COG5: variants seen among roughly 807,000 people sequenced by gnomAD.
The protein encoded by COG5 is conserved oligomeric Golgi complex subunit 5.
COG5 carries 86 observed loss-of-function variants against 110.4 expected under a neutral mutation model. The ratio of observed to expected loss-of-function variants is 0.78; its 90% CI spans 0.65 to 0.93. The LOEUF (loss-of-function observed/expected upper bound fraction) is 0.93. COG5 is among the 40% of genes least tolerant of loss of function. The pLI, the probability that COG5 is intolerant of heterozygous loss-of-function variation, is 0.00. For synonymous variants in COG5, 360 were observed against 334.6 expected (o/e 1.08, Z -0.83); for missense variants, 1,077 against 987.0 (o/e 1.09, Z -1.22).
chr7:107,449,289 G>A (rs148082655), intron 6 of COG5, among the ~76,000 whole-genome samples: 4 of 152,212 alleles, frequency 2.6e-5, no homozygotes, highest in East Asian at 3.9e-4. Flanking sequence ...ACATGTATAC[G>A]TGCACGTTCT....
At chr7:107,301,254 A>G (rs915830033) in intron 11 of COG5, among the ~76,000 whole-genome samples, 2 of 152,204 alleles carry the variant, frequency 1.3e-5, no homozygotes, top group Non-Finnish European at 2.9e-5. Flanking sequence ...AAATTGATAA[A>G]CTGGACAACA....
intron 5 of COG5, among the ~76,000 whole-genome samples, chr7:107,541,133 A>G (rs1659547698): frequency 6.6e-6 from 1 of 151,806 alleles, no homozygotes; most frequent in South Asian, 2.1e-4. Context: ...CCTGGGCAAC[A>G]GAGCGGGACT....
chr7:107,223,220 G>A (rs958013713), intron 19 of COG5, among the ~76,000 whole-genome samples: 1 of 152,162 alleles, frequency 6.6e-6, no homozygotes, highest in Non-Finnish European at 1.5e-5. Context: ...CCTTTGTGGG[G>A]CAGGGCACAG....
chr7:107,256,835 CTA>C, intron 15 of COG5, 41 bp from the exon 16 acceptor site: 2 of 1,427,374 alleles, frequency 1.4e-6, no homozygotes, highest in Non-Finnish European at 2.0e-6. Flanking sequence ...TCGCTTAAGT[CTA>C]TTTCTGTAAA....
In COG5 at chr7:107,203,447, G is replaced by T; in HGVS notation, c.*69C>A. The T allele has an allele frequency of 1.0e-6, 1 of 968,864 alleles. No individual in the cohort carries two copies. The highest frequency in any genetic ancestry group is 1.3e-5 in the South Asian group (1 of 78,064). 60.0% of individuals were successfully genotyped at this position (968,864 alleles called of 1,614,324 possible). A position where few individuals can be genotyped will look rare whatever the true frequency, so the allele number is the denominator to read the frequency against. ...AATAGTAGATAGTAGCAGTCTTTTG[G>T]AGTATGTGTTTAACTGCCAACTATG... On this transcript the variant is annotated 3_prime_UTR_variant, in exon 22 of 22. Transcript: ENST00000297135.
rs1415696830 is a variant in COG5, at chr7:107,217,481, A to C, written c.2169-6256T>G. Among the ~76,000 whole-genome samples, 7 of 152,254 alleles carry C rather than the reference A, an allele frequency of 4.6e-5. No individual in the cohort carries two copies. In the East Asian group the frequency reaches 1.4e-3, roughly 29 times the overall value. The stretch of plus-strand genomic sequence containing the variant: ...ATGAACATAGATATGAAGATACAAA[A>C]TCCTCAACAAACTACTAACAAATCC... On this transcript the variant is annotated intron_variant, in intron 19 of 21. Coordinates refer to ENST00000297135, the MANE Select transcript of COG5 (RefSeq NM_006348.5).
intron 6 of COG5, among the ~76,000 whole-genome samples, chr7:107,434,119 C>T (rs979378751): frequency 6.6e-6 from 1 of 152,116 alleles, no homozygotes; most frequent in Non-Finnish European, 1.5e-5. Flanking sequence ...TATCACCTCA[C>T]ACCAGTTAGA....
intron 8 of COG5, among the ~76,000 whole-genome samples, chr7:107,366,220 A>G (rs1813598490): frequency 6.6e-6 from 1 of 152,148 alleles, no homozygotes; most frequent in Non-Finnish European, 1.5e-5. Flanking sequence ...ACATAGTAAC[A>G]CATGTGAAAT....
At chr7:107,318,015 C>A (rs1021651811) in intron 11 of COG5, among the ~76,000 whole-genome samples, 2 of 151,902 alleles carry the variant, frequency 1.3e-5, no homozygotes, top group Non-Finnish European at 2.9e-5. Flanking sequence ...ATGCTAATGG[C>A]TTTTTTCTTT....
intron 7 of COG5, among the ~76,000 whole-genome samples, chr7:107,389,237 C>A (rs554740232): frequency 6.6e-6 from 1 of 151,676 alleles, no homozygotes; most frequent in East Asian, 1.9e-4. Flanking sequence ...AATAATGGCA[C>A]ACATTGGACT....
At chr7:107,530,691 G>T (rs1221932864) in intron 5 of COG5, among the ~76,000 whole-genome samples, 1 of 147,758 alleles carries the variant, frequency 6.8e-6, no homozygotes, top group African/African-American at 2.5e-5. Context: ...TACAGATTAT[G>T]TTGAATCTTC....
chr7:107,286,569 TTTAAAATCAAGAGACCTGAAGG>T (rs1805649681), intron 12 of COG5, among the ~76,000 whole-genome samples: 1 of 152,242 alleles, frequency 6.6e-6, no homozygotes, highest in African/African-American at 2.4e-5. Context: ...TACAAACTTC[TTTAAAATCAAGAGACCTGAAGG>T]TCAAAGTAAT....
Position 107,362,082 on chromosome 7 carries a change from T to C in COG5, c.977A>G (p.Lys326Arg), listed in dbSNP as rs1214496373. Residue 326 changes from lysine (K) to arginine (R), a missense_variant, in exon 10 of 22, where the codon AAG becomes AGG. Physicochemically the swap from Lys to Arg is conservative, Grantham distance 26 (BLOSUM62 2). Coordinates refer to ENST00000297135, the MANE Select transcript of COG5 (RefSeq NM_006348.5). Reference protein sequence around the residue: ...QVQHLQKVLAKKRDPVSHICF... With the variant: ...QVQHLQKVLARKRDPVSHICF... ...AATGTGAGAAACAGGATCTCTCTTC[T>C]TGGCCAATACTTTTTGTAGATGTTG... 27 of 1,609,520 alleles carry C rather than the reference T, an allele frequency of 1.7e-5. No homozygotes were observed. The highest frequency in any genetic ancestry group is 2.2e-5 in the East Asian group (1 of 44,848).
chr7:107,348,461 A>G (rs1158949231), intron 10 of COG5, among the ~76,000 whole-genome samples: 7 of 152,172 alleles, frequency 4.6e-5, no homozygotes, highest in African/African-American at 7.2e-5. Context: ...TACTGATTGA[A>G]TTTCTTTAAA....
chr7:107,250,434 ATAAAAAAAGG>A (rs892025966), intron 16 of COG5, among the ~76,000 whole-genome samples: 1 of 152,038 alleles, frequency 6.6e-6, no homozygotes, highest in African/African-American at 2.4e-5. Context: ...CAACATGCTT[ATAAAAAAAGG>A]TAAAAAAAAA....
At chr7:107,466,380 T>C (rs1325637178) in intron 6 of COG5, among the ~76,000 whole-genome samples, 1 of 152,142 alleles carries the variant, frequency 6.6e-6, no homozygotes, top group African/African-American at 2.4e-5. Flanking sequence ...ATGTATGTGA[T>C]ACTGGCAAAT....
chr7:107,210,462 C>G (rs1799079474), intron 21 of COG5, 64 bp downstream of exon 21: 5 of 1,552,790 alleles, frequency 3.2e-6, no homozygotes, highest in Middle Eastern at 2.3e-4. Flanking sequence ...TTCATCCTCT[C>G]TTGCATCCCC....
At chr7:107,250,132 C>A (rs370796767) in intron 16 of COG5, among the ~76,000 whole-genome samples, 10 of 152,146 alleles carry the variant, frequency 6.6e-5, no homozygotes, top group East Asian at 1.9e-4. Context: ...GTAAACTGGA[C>A]AAATTAGACT....
chr7:107,405,409 C>T (rs981545761), intron 7 of COG5, among the ~76,000 whole-genome samples: 2 of 152,140 alleles, frequency 1.3e-5, no homozygotes, highest in African/African-American at 4.8e-5. Flanking sequence ...AGCTCCCAAA[C>T]ACAGGCTCTT....
Sources: allele counts gnomAD v4.1 joint callset (sites outside exome capture counted in the v4.1 genomes callset), GRCh38; gene constraint gnomAD v4.1.1; transcripts MANE v1.5; gene names NCBI Gene and HGNC (gene_info 2026-07-23, HGNC 2026-07-21).